CFAP61: variants seen among roughly 807,000 people sequenced by gnomAD.
CFAP61 encodes cilia and flagella associated protein 61, also known as cilia- and flagella-associated protein 61.
A neutral mutation model predicts 135.6 loss-of-function variants in CFAP61; 107 were observed. That is an observed-to-expected ratio of 0.79 (90% CI 0.67 to 0.93). The LOEUF (loss-of-function observed/expected upper bound fraction) is 0.93. CFAP61 is among the 40% of genes least tolerant of loss of function. The pLI is 0.00. For synonymous variants in CFAP61, 575 were observed against 578.5 expected (o/e 0.99, Z 0.09); for missense variants, 1,507 against 1,556.2 (o/e 0.97, Z 0.53).
chr20:20,194,473 T>A lies in CFAP61; in HGVS notation c.1591-2097T>A, dbSNP rs193208908. Among the ~76,000 whole-genome samples, 330 of 152,334 alleles carry A rather than the reference T, an allele frequency of 2.2e-3. 1 individual carries two copies. The highest frequency in any genetic ancestry group is 0.017 in the Middle Eastern group (5 of 294). Reference sequence around the variant, plus strand: ...CTGAGTATACTCTGTAGAATTTTTTTAAAAATTCTCTGCTATTTCCTTAAT... The same window carrying A: ...CTGAGTATACTCTGTAGAATTTTTTAAAAAATTCTCTGCTATTTCCTTAAT... On this transcript the variant is annotated intron_variant, in intron 15 of 26. Coordinates refer to ENST00000245957, the MANE Select transcript of CFAP61 (RefSeq NM_015585.4).
At chr20:20,332,643 G>T (rs891464409) in intron 25 of CFAP61, among the ~76,000 whole-genome samples, 1 of 151,784 alleles carries the variant, frequency 6.6e-6, no homozygotes. Flanking sequence ...ATTAAAAAAG[G>T]TCTCACTTTG....
chr20:20,078,677 A>G (rs993349356), intron 6 of CFAP61, among the ~76,000 whole-genome samples: 1 of 152,172 alleles, frequency 6.6e-6, no homozygotes, highest in African/African-American at 2.4e-5. Context: ...GAACTTTGAA[A>G]GATGAAAATG....
At chr20:20,129,535 G>C (rs1366004183) in intron 8 of CFAP61, among the ~76,000 whole-genome samples, 3 of 151,188 alleles carry the variant, frequency 2.0e-5, no homozygotes, top group African/African-American at 7.3e-5. Flanking sequence ...TGCCTTGGGG[G>C]AGTCTTATTT....
chr20:20,110,387 G>C (rs1198226092), intron 8 of CFAP61, among the ~76,000 whole-genome samples: 1 of 152,094 alleles, frequency 6.6e-6, no homozygotes, highest in Non-Finnish European at 1.5e-5. Context: ...ACAAGGAGCA[G>C]GGTTGATTGC....
chr20:20,218,478 A>G (rs572544366), intron 17 of CFAP61, among the ~76,000 whole-genome samples: 31 of 152,302 alleles, frequency 2.0e-4, no homozygotes, highest in African/African-American at 6.7e-4. Flanking sequence ...GCAGCATGAA[A>G]ACAGATTAAT....
At chr20:20,184,539 G>A (rs1479538625) in intron 13 of CFAP61, 2 of 152,296 alleles carry the variant, frequency 1.3e-5, no homozygotes, top group Non-Finnish European at 2.9e-5. Flanking sequence ...GTCAGGGTCA[G>A]GGAGGGCGTC....
chr20:20,086,636 T>A (rs941428342), intron 6 of CFAP61, among the ~76,000 whole-genome samples: 2 of 152,124 alleles, frequency 1.3e-5, no homozygotes, highest in African/African-American at 4.8e-5. Context: ...ATTCTGCCCT[T>A]CACTGCTGTC....
At chr20:20,295,484 G>A (rs111794554) in intron 24 of CFAP61, among the ~76,000 whole-genome samples, 90 of 152,136 alleles carry the variant, frequency 5.9e-4, no homozygotes, top group African/African-American at 2.1e-3. Flanking sequence ...CTCAGAACTC[G>A]CCTGCAGTTT....
At chr20:20,265,450 GC>G in intron 21 of CFAP61, 1 of 779,780 alleles carries the variant, frequency 1.3e-6, no homozygotes. Flanking sequence ...CTGCTGACTT[GC>G]CCAGTTGTCA....
intron 15 of CFAP61, among the ~76,000 whole-genome samples, chr20:20,191,638 G>A (rs1569100998): frequency 6.6e-6 from 1 of 152,002 alleles, no homozygotes; most frequent in Non-Finnish European, 1.5e-5. Flanking sequence ...AAGACCACAT[G>A]AAAACATTCT....
intron 15 of CFAP61, among the ~76,000 whole-genome samples, chr20:20,192,128 G>A (rs913182452): frequency 2.0e-5 from 3 of 152,084 alleles, no homozygotes; most frequent in East Asian, 3.9e-4. Context: ...TACCTACGTG[G>A]ATTCTATAGA....
chr20:20,272,178 G>A (rs1406572142), intron 21 of CFAP61, among the ~76,000 whole-genome samples: 1 of 152,168 alleles, frequency 6.6e-6, no homozygotes, highest in Non-Finnish European at 1.5e-5. Context: ...GGTGGCTCAT[G>A]CCTATAATCT....
At position 20,334,384 on chromosome 20, in the gene CFAP61, C is replaced by T. The variant is rs552636857; in HGVS notation, c.3423-7447C>T. ...TCAAGTGATCCGCCTGCCTCGGCCT[C>T]CCAAAGTGCTGGCATTACAGGCATA... On this transcript the variant is annotated intron_variant, in intron 25 of 26. Coordinates refer to ENST00000245957, the MANE Select transcript of CFAP61 (RefSeq NM_015585.4). Among the ~76,000 whole-genome samples, 269 of 152,316 alleles carry T rather than the reference C, an allele frequency of 1.8e-3. 3 individuals are homozygous for T. The highest frequency in any genetic ancestry group is 3.2e-3 in the Non-Finnish European group (216 of 68,034).
chr20:20,357,359 G>A (rs1404259539), intron 26 of CFAP61, among the ~76,000 whole-genome samples: 1 of 40,770 alleles, frequency 2.5e-5, no homozygotes, highest in Non-Finnish European at 5.7e-5. Flanking sequence ...CACACTGAGG[G>A]GAGGTGGTCA....
At chr20:20,151,150 T>A (rs1162973700) in intron 9 of CFAP61, among the ~76,000 whole-genome samples, 4 of 151,732 alleles carry the variant, frequency 2.6e-5, no homozygotes, top group South Asian at 4.2e-4. Context: ...AGAAATTTTT[T>A]AAAAAAATAC....
At chr20:20,237,240 G>A (rs1189612560) in intron 18 of CFAP61, among the ~76,000 whole-genome samples, 2 of 152,064 alleles carry the variant, frequency 1.3e-5, no homozygotes, top group African/African-American at 2.4e-5. Flanking sequence ...GAGCACCCAG[G>A]GCCCTCCAGG....
At position 20,278,194 on chromosome 20, in the gene CFAP61, C is replaced by G. The variant is rs374929413; in HGVS notation, c.2796+736C>G. On this transcript the variant is annotated intron_variant, in intron 22 of 26. Transcript: ENST00000245957. ...TGTAAAGGGAAGTATCCCCAGTTTA[C>G]AGAGAACGCTGTGGCTCTAAGTCAG... 7.2e-5 allele frequency among the ~76,000 whole-genome samples: 11 copies of G among 152,322 alleles called. No individual in the cohort carries two copies. The East Asian group carries it at 1.9e-3, about 27-fold the overall frequency.
intron 13 of CFAP61, among the ~76,000 whole-genome samples, chr20:20,181,166 T>C (rs1477990171): frequency 1.4e-5 from 1 of 72,034 alleles, no homozygotes; most frequent in East Asian, 2.2e-4. Context: ...GTAAAAGTTA[T>C]ATATATACAC....
At position 20,288,768 on chromosome 20, in the gene CFAP61, A is replaced by C; in HGVS notation, c.2956A>C (p.Arg986=). The change falls in exon 23 of 27, where the codon AGA becomes CGA. Residue 986 remains arginine, a synonymous_variant. Coordinates refer to ENST00000245957, the MANE Select transcript of CFAP61 (RefSeq NM_015585.4). ...TGGCTCCCTCACCAAATTCTCCAAT[A>C]GATACTACTCAAATGAGTGGACTCA... ...AAGSLTKFSN[R]YYSNEWTHSN... 1 of 1,614,198 alleles carries C rather than the reference A, an allele frequency of 6.2e-7. No homozygotes were observed. The highest frequency in any genetic ancestry group is 1.1e-5 in the South Asian group (1 of 91,080).
Sources: gnomAD v4.1 joint callset for allele counts (sites outside exome capture counted in the v4.1 genomes callset) on GRCh38, gnomAD v4.1.1 for gene constraint, MANE v1.5 for transcripts, NCBI Gene and HGNC (gene_info 2026-07-23, HGNC 2026-07-21) for gene names.